Variants in ARHGEF28 observed in about 807,000 individuals in gnomAD.
ARHGEF28 encodes the protein Rho guanine nucleotide exchange factor 28, also known as 190 kDa guanine nucleotide exchange factor.
In ARHGEF28, 152 loss-of-function variants were observed where a neutral mutation model predicts 206.6. The observed-to-expected ratio is 0.74, with a 90% confidence interval of 0.64 to 0.84. ARHGEF28 has a LOEUF of 0.84. Among genes scored for constraint, ARHGEF28 ranks in the 40% least tolerant of loss-of-function variants. The probability of loss-of-function intolerance (pLI) is 0.00; values close to 1 mark genes in which losing one functional copy is unlikely to be tolerated. For synonymous variants in ARHGEF28, 763 were observed against 776.4 expected, an observed-to-expected ratio of 0.98 and a Z score of 0.29; for missense variants, 2,028 against 2,073.2, an observed-to-expected ratio of 0.98 and a Z score of 0.42.
At chr5:73,901,531 T>C in intron 31 of ARHGEF28, 1 of 282,090 alleles carries the variant, frequency 3.5e-6, no homozygotes. Flanking sequence ...AAAACTCTCC[T>C]GTGTATATGT....
intron 31 of ARHGEF28, 173 bp from the exon 32 acceptor site, chr5:73,904,049 T>C (rs1314005919): frequency 1.6e-6 from 1 of 631,810 alleles, no homozygotes; most frequent in Non-Finnish European, 2.7e-6. Context: ...GTCAAGTGTT[T>C]GTTTGATTCT....
At chr5:73,793,181 T>A (rs1754587175) in intron 7 of ARHGEF28, among the ~76,000 whole-genome samples, 1 of 152,266 alleles carries the variant, frequency 6.6e-6, no homozygotes, top group African/African-American at 2.4e-5. Context: ...TATTACTTGC[T>A]TTCTGCAAAG....
chr5:73,847,206 T>C (rs576024793), intron 12 of ARHGEF28, among the ~76,000 whole-genome samples: 1 of 152,352 alleles, frequency 6.6e-6, no homozygotes, highest in South Asian at 2.1e-4. Context: ...AAAACTTCTC[T>C]TTCTAACGTA....
At chr5:73,695,699 T>C (rs952445197) in intron 2 of ARHGEF28, among the ~76,000 whole-genome samples, 1 of 152,232 alleles carries the variant, frequency 6.6e-6, no homozygotes, top group African/African-American at 2.4e-5. Context: ...CAAGACCTGC[T>C]GATGGCCATG....
Position 73,848,586 on chromosome 5 carries a change from C to A in ARHGEF28, c.1636-390C>A, listed in dbSNP as rs937966263. On this transcript the variant is annotated intron_variant, in intron 12 of 35. Coordinates refer to ENST00000513042, the MANE Select transcript of ARHGEF28 (RefSeq NM_001177693.2). ...TAGTAATCCTTAAATATAGAAATCTCAGTTAATATAGAATTTTGTTAGAGG... is the reference window on the plus strand; with the variant it reads ...TAGTAATCCTTAAATATAGAAATCTAAGTTAATATAGAATTTTGTTAGAGG... Among the ~76,000 whole-genome samples, 7 of 151,876 alleles carry A rather than the reference C, an allele frequency of 4.6e-5. No individual in the cohort carries two copies. In the East Asian group the frequency reaches 1.4e-3, roughly 29 times the overall value.
rs371072880 is a variant in ARHGEF28 at position 73,798,414 on chromosome 5, G to GA, written c.1024+3027dup. On this transcript the variant is annotated intron_variant, in intron 9 of 35. Coordinates refer to ENST00000513042, the MANE Select transcript of ARHGEF28 (RefSeq NM_001177693.2). ...AACACTTACCATTAGTTTATAAGCT[G>GA]AAAATGATGGTTGGAGAAATGTCTT... Among the ~76,000 whole-genome samples the GA allele has an allele frequency of 2.8e-3, 429 of 152,210 alleles. 4 individuals carry two copies. The highest frequency in any genetic ancestry group is 9.5e-3 in the African/African-American group (393 of 41,512).
At chr5:73,759,938 T>C (rs750181213) in intron 4 of ARHGEF28, among the ~76,000 whole-genome samples, 2 of 152,190 alleles carry the variant, frequency 1.3e-5, no homozygotes, top group Non-Finnish European at 2.9e-5. Flanking sequence ...AGAAAAGAGA[T>C]CTGTAGCCAG....
At chr5:73,890,942 A>G (rs1471614880) in intron 26 of ARHGEF28, among the ~76,000 whole-genome samples, 1 of 152,210 alleles carries the variant, frequency 6.6e-6, no homozygotes, top group Non-Finnish European at 1.5e-5. Flanking sequence ...TTGAATCCCC[A>G]GTGTTTAGAA....
Position 73,846,459 on chromosome 5 carries a change from G to GT in ARHGEF28, c.1620dup (p.Asn541Ter), listed in dbSNP as rs767061059. The GT allele has an allele frequency of 1.9e-6, 3 of 1,613,620 alleles. No homozygotes were observed. Among genetic ancestry groups the GT allele is most frequent in the African/African-American group, 2.7e-5 (2 of 75,020 alleles). ...AGGGCTGAATCCCTTCCTCTATCAA[G>GT]TAATCTACAGTCGAAGGTATTCTTA... is the stretch of plus-strand genomic sequence containing the variant. On this transcript the variant is annotated frameshift_variant, in exon 12 of 36. Transcript: ENST00000513042. LOFTEE classifies it high-confidence loss of function.
At chr5:73,698,691 G>A (rs1748377815) in intron 2 of ARHGEF28, among the ~76,000 whole-genome samples, 1 of 152,056 alleles carries the variant, frequency 6.6e-6, no homozygotes, top group Admixed American at 6.5e-5. Context: ...GATTATGTGT[G>A]ATAATTGTGA....
chr5:73,780,628 A>T (rs1331487106), intron 6 of ARHGEF28, 48 bp from the exon 7 acceptor site: 2 of 1,518,704 alleles, frequency 1.3e-6, no homozygotes, highest in African/African-American at 1.4e-5. Context: ...TGGAACCTCA[A>T]ATGGTTTTCT....
In ARHGEF28 at chr5:73,821,806, CAT is replaced by C. The variant is rs561948930; in HGVS notation, c.1025-10531_1025-10530del. ...ATCATGCCGAAGTCCACACACCACA[CAT>C]GACTGAATATCTGCTTGATTGCTTG... On this transcript the variant is annotated intron_variant, in intron 9 of 35. Transcript: ENST00000513042. 3.3e-3 allele frequency among the ~76,000 whole-genome samples: 509 copies of C among 152,220 alleles called. 6 individuals are homozygous for C. Among genetic ancestry groups the C allele is most frequent in the African/African-American group, 0.011 (469 of 41,530 alleles).
intron 9 of ARHGEF28, among the ~76,000 whole-genome samples, chr5:73,814,445 T>G (rs1756052289): frequency 6.6e-6 from 1 of 152,026 alleles, no homozygotes; most frequent in Non-Finnish European, 1.5e-5. Flanking sequence ...GTAGAGGAAG[T>G]GCCCTGAGAA....
At chr5:73,692,519 G>T (rs905837950) in intron 2 of ARHGEF28, among the ~76,000 whole-genome samples, 2 of 152,154 alleles carry the variant, frequency 1.3e-5, no homozygotes, top group Admixed American at 1.3e-4. Flanking sequence ...ACTGTCTCCT[G>T]CTGTGTTTGG....
intron 11 of ARHGEF28, 105 bp from the exon 12 acceptor site, chr5:73,846,163 A>AT: frequency 4.2e-6 from 4 of 952,892 alleles, no homozygotes; most frequent in Non-Finnish European, 6.3e-6. Context: ...TACCTATTGC[A>AT]CCCCCCCCGC....
intron 9 of ARHGEF28, among the ~76,000 whole-genome samples, chr5:73,828,493 C>T (rs896249010): frequency 6.6e-6 from 1 of 151,894 alleles, no homozygotes; most frequent in African/African-American, 2.4e-5. Context: ...TATGCTCTTG[C>T]ACACCTATGT....
chr5:73,800,630 A>AC (rs1561413084), intron 9 of ARHGEF28, among the ~76,000 whole-genome samples: 1 of 151,862 alleles, frequency 6.6e-6, no homozygotes, highest in African/African-American at 2.4e-5. Context: ...TTCATACCAA[A>AC]AAAAACAAAA....
At chr5:73,822,067 T>C (rs1756630172) in intron 9 of ARHGEF28, among the ~76,000 whole-genome samples, 1 of 152,218 alleles carries the variant, frequency 6.6e-6, no homozygotes, top group South Asian at 2.1e-4. Context: ...TAATGTTGAT[T>C]AGTTCCTTCA....
intron 1 of ARHGEF28, among the ~76,000 whole-genome samples, chr5:73,681,568 A>T (rs1200993508): frequency 2.0e-5 from 3 of 151,966 alleles, no homozygotes; most frequent in Non-Finnish European, 4.4e-5. Context: ...TAACCCTAGA[A>T]CTTTGGGAGG....
Sources: gnomAD v4.1 joint callset for allele counts (sites outside exome capture counted in the v4.1 genomes callset) on GRCh38, gnomAD v4.1.1 for gene constraint, MANE v1.5 for transcripts, NCBI Gene and HGNC (gene_info 2026-07-23, HGNC 2026-07-21) for gene names.